Variants in MED16 observed in about 807,000 individuals in gnomAD.
MED16 encodes mediator complex subunit 16.
Under a neutral mutation model 84.4 loss-of-function variants are expected in MED16, and 81 were observed. The observed-to-expected ratio is 0.96, with a 90% CI of 0.80 to 1.15. The LOEUF (loss-of-function observed/expected upper bound fraction) is 1.15, where lower values mean the gene tolerates loss of function less well. Among genes scored for constraint, MED16 ranks in the 50% most tolerant of loss-of-function variants. The pLI is 0.00. For missense variants in MED16, 1,585 were observed against 1,245.9 expected (o/e 1.27, Z -4.10); for synonymous variants, 897 against 552.2 (o/e 1.62, Z -8.76).
intron 15 of MED16, 38 bp downstream of exon 15, chr19:868,351 AGTAGCTGAGGGGCAGCTGGGCTCAGGG>A (rs942181807): frequency 3.0e-5 from 48 of 1,583,848 alleles, no homozygotes; most frequent in African/African-American, 1.1e-4. Context: ...GTAGCTGAGG[AGTAGCTGAGGGGCAGCTGGGCTCAGGG>A]GTAGCTGAGG....
chr19:876,957 C>CTGCCACGGGGCCCCACA lies in MED16; in HGVS notation c.1560+16_1560+17insTGTGGGGCCCCGTGGCA, dbSNP rs2036257312. The CTGCCACGGGGCCCCACA allele has an allele frequency of 6.2e-7, 1 of 1,603,808 alleles. No individual in the cohort carries two copies. Among genetic ancestry groups the CTGCCACGGGGCCCCACA allele is most frequent in the East Asian group, 2.2e-5 (1 of 44,628 alleles). On this transcript the variant is annotated intron_variant, in intron 9 of 15. Transcript: ENST00000325464. ...GCCCCCACCTGCCACGGGGCCCCAC[C>CTGCCACGGGGCCCCACA]TGCCACGGGCCCCCACCTGCTGCAG... is the stretch of plus-strand genomic sequence containing the variant.
At chr19:888,511 G>T (rs1439889179) in intron 4 of MED16, among the ~76,000 whole-genome samples, 1 of 143,156 alleles carries the variant, frequency 7.0e-6, no homozygotes, top group African/African-American at 2.6e-5. Flanking sequence ...GGGATAGAGC[G>T]AGACTCTGTC....
intron 10 of MED16, among the ~76,000 whole-genome samples, chr19:873,884 G>A (rs903420598): frequency 6.6e-6 from 1 of 152,170 alleles, no homozygotes; most frequent in African/African-American, 2.4e-5. Flanking sequence ...GCCTGCTGGT[G>A]CACATCTGCC....
chr19:875,356 G>C lies in MED16; in HGVS notation c.1659C>G (p.Leu553=). 3 of 1,610,284 alleles carry C rather than the reference G, an allele frequency of 1.9e-6. No individual in the cohort carries two copies. The highest frequency in any genetic ancestry group is 2.5e-6 in the Non-Finnish European group (3 of 1,179,784). Residue 553 remains leucine (L), a synonymous_variant, in exon 10 of 16, where the codon CTC becomes CTG. Transcript: ENST00000325464. The stretch of plus-strand genomic sequence containing the variant: ...ACTTCAGGGTGGAGCTGATGGCGAT[G>C]AGGAAGAGCTTGGTGTGGTAGTCGC... ...RVCDYHTKLF[L]IAISSTLKSL...
At chr19:887,073 T>A (rs2036540581) in intron 4 of MED16, among the ~76,000 whole-genome samples, 1 of 151,182 alleles carries the variant, frequency 6.6e-6, no homozygotes, top group African/African-American at 2.5e-5. Context: ...GAGCAAAACT[T>A]TGTCTCAAAA....
At chr19:870,950 G>A in intron 13 of MED16, 87 bp downstream of exon 13, 1 of 1,331,652 alleles carries the variant, frequency 7.5e-7, no homozygotes, top group South Asian at 1.4e-5. Context: ...GACATGCAGG[G>A]AGGGAGCCGT....
chr19:871,605 C>T (rs767649213), intron 12 of MED16: 4 of 1,595,594 alleles, frequency 2.5e-6, no homozygotes, highest in African/African-American at 1.3e-5. Context: ...CAAACAGGTG[C>T]CTGGAAGTGG....
rs2036375393 is a variant in MED16 at position 879,867 on chromosome 19, G to GCCCACCAAGCCCAGCCCCACGTGC, written c.1353+69_1353+70insGCACGTGGGGCTGGGCTTGGTGGG. The GCCCACCAAGCCCAGCCCCACGTGC allele has an allele frequency of 4.0e-6, 3 of 755,864 alleles. No homozygotes were observed. The African/African-American group carries it at 1.2e-4, about 30-fold the overall frequency. 46.8% of individuals were successfully genotyped at this position (755,864 alleles called of 1,614,324 possible). On this transcript the variant is annotated intron_variant, in intron 8 of 15. Coordinates refer to ENST00000325464, the MANE Select transcript of MED16 (RefSeq NM_005481.3). ...AGCTCACCTTCCCCTGGTTGTCAATGCCCAGCAGCTCGCCTTCCCCTGGTT... is the reference window on the plus strand; with the variant it reads ...AGCTCACCTTCCCCTGGTTGTCAATGCCCACCAAGCCCAGCCCCACGTGCCCCAGCAGCTCGCCTTCCCCTGGTT...
intron 4 of MED16, among the ~76,000 whole-genome samples, chr19:886,441 C>T (rs143687248): frequency 3.9e-5 from 6 of 152,318 alleles, no homozygotes; most frequent in Admixed American, 1.3e-4. Flanking sequence ...GAGGATTAAA[C>T]GGGTGAACGT....
intron 6 of MED16, among the ~76,000 whole-genome samples, chr19:884,219 C>G (rs984707217): frequency 2.6e-5 from 4 of 152,218 alleles, no homozygotes; most frequent in African/African-American, 9.7e-5. Context: ...GCCTAAAAAC[C>G]AGGCCCGCAG....
chr19:869,237 G>A (rs912802543), intron 13 of MED16, among the ~76,000 whole-genome samples: 4 of 152,148 alleles, frequency 2.6e-5, no homozygotes, highest in South Asian at 2.1e-4. Context: ...GACGAGGGTC[G>A]GTCCGCCACG....
At chr19:889,929 G>A in intron 3 of MED16, 122 bp from the exon 4 acceptor site, 6 of 1,224,598 alleles carry the variant, frequency 4.9e-6, no homozygotes, top group Non-Finnish European at 6.7e-6. Flanking sequence ...GTAGGGCACA[G>A]CAGGTGGCAC....
At chr19:891,689 C>T (rs1279382696) in intron 1 of MED16, among the ~76,000 whole-genome samples, 9 of 108,584 alleles carry the variant, frequency 8.3e-5, no homozygotes, top group Non-Finnish European at 1.3e-4. Context: ...CACCTGTGGC[C>T]GAGGCGGGGC....
chr19:892,195 T>G (rs2036651429), intron 1 of MED16, among the ~76,000 whole-genome samples: 1 of 151,950 alleles, frequency 6.6e-6, no homozygotes, highest in Non-Finnish European at 1.5e-5. Context: ...GCAACCAGGT[T>G]CTCCTCAAAC....
intron 8 of MED16, among the ~76,000 whole-genome samples, chr19:879,340 C>T (rs1285814622): frequency 7.9e-5 from 12 of 152,010 alleles, no homozygotes; most frequent in Non-Finnish European, 5.9e-5. Context: ...GCCCCAGCAG[C>T]TCACCTTCCC....
chr19:881,292 A>G (rs1023252312), intron 7 of MED16, among the ~76,000 whole-genome samples: 4 of 152,216 alleles, frequency 2.6e-5, no homozygotes, highest in Non-Finnish European at 5.9e-5. Context: ...CAAGTTCCCC[A>G]GGCTCCCTTG....
chr19:876,629 C>T (rs922972453), intron 9 of MED16, among the ~76,000 whole-genome samples: 2 of 152,158 alleles, frequency 1.3e-5, no homozygotes, highest in Admixed American at 1.3e-4. Flanking sequence ...ACACCCCACA[C>T]GCAGCCTCAC....
At chr19:890,038 A>C in intron 3 of MED16, 99 bp downstream of exon 3, 1 of 954,006 alleles carries the variant, frequency 1.0e-6, no homozygotes, top group South Asian at 1.6e-5. Flanking sequence ...CAGGGGCTCT[A>C]GACCCAGCGC....
At chr19:887,503 TA>T (rs2036550422) in intron 4 of MED16, among the ~76,000 whole-genome samples, 1 of 151,802 alleles carries the variant, frequency 6.6e-6, no homozygotes, top group South Asian at 2.1e-4. Context: ...CCGTCTCTAC[TA>T]AAAATACAAA....
Sources: allele counts gnomAD v4.1 joint callset (sites outside exome capture counted in the v4.1 genomes callset), GRCh38; gene constraint gnomAD v4.1.1; transcripts MANE v1.5; gene names NCBI Gene and HGNC (gene_info 2026-07-23, HGNC 2026-07-21).